The following ARHGEF10 variants were observed in gnomAD, a reference collection of about 807,000 sequenced individuals.
The protein encoded by ARHGEF10 is Rho guanine nucleotide exchange factor 10.
In ARHGEF10, 140 loss-of-function variants were observed where a neutral mutation model predicts 147.4. The observed-to-expected ratio is 0.95, with a 90% confidence interval of 0.83 to 1.09. The LOEUF (loss-of-function observed/expected upper bound fraction) is 1.09. Ranked by LOEUF, ARHGEF10 falls within the 50% of genes least tolerant of loss-of-function variation. The pLI, the probability that ARHGEF10 is intolerant of heterozygous loss-of-function variation, is 0.00. For missense variants in ARHGEF10, 2,222 were observed against 1,752.7 expected (o/e 1.27, Z -4.78); for synonymous variants, 902 against 695.8 (o/e 1.30, Z -4.67).
At chr8:1,865,355 T>C (rs540887214) in intron 5 of ARHGEF10, among the ~76,000 whole-genome samples, 32 of 112,800 alleles carry the variant, frequency 2.8e-4, no homozygotes, top group African/African-American at 1.1e-3. Flanking sequence ...CCAGCACCCA[T>C]GAGGCCATCA....
chr8:1,851,335 C>CA (rs1805129835), intron 2 of ARHGEF10, among the ~76,000 whole-genome samples: 1 of 84,154 alleles, frequency 1.2e-5, no homozygotes, highest in African/African-American at 3.3e-5. Context: ...AGCGAGGCCT[C>CA]ACGCACACCG....
rs147097604 is a variant in ARHGEF10 at position 1,896,544 on chromosome 8, A to G, written c.1557+95A>G. 1.3e-3 allele frequency: 1,221 copies of G among 909,974 alleles called. 12 individuals carry two copies. The African/African-American group carries it at 0.018, about 13-fold the overall frequency. The allele number at this position is 909,974 out of a possible 1,614,324, so 56.4% of individuals were successfully genotyped here. A position where few individuals can be genotyped will look rare whatever the true frequency, so the allele number is the denominator to read the frequency against. On this transcript the variant is annotated intron_variant, in intron 14 of 28. Transcript: ENST00000349830. ...CTGAATGCAGTTATTCGTTATTAAGATTTCAGTATCAATAGTGCCCTAGAT... is the reference window on the plus strand; with the variant it reads ...CTGAATGCAGTTATTCGTTATTAAGGTTTCAGTATCAATAGTGCCCTAGAT...
intron 1 of ARHGEF10, among the ~76,000 whole-genome samples, chr8:1,824,552 C>T (rs999960254): frequency 6.6e-6 from 1 of 150,858 alleles, no homozygotes; most frequent in Non-Finnish European, 1.5e-5. Context: ...CGCACCCTAC[C>T]TGTCCCCCTA....
intron 8 of ARHGEF10, among the ~76,000 whole-genome samples, chr8:1,877,823 G>A (rs998479966): frequency 7.2e-5 from 11 of 152,056 alleles, no homozygotes; most frequent in African/African-American, 2.4e-4. Context: ...GAAGCCACAC[G>A]CAGTCCTTGT....
rs767262896 is a variant in ARHGEF10, at chr8:1,956,908, G to A, written c.3680G>A (p.Gly1227Glu). ...CAGAAGGACGCACTTCCGAGTGGAG[G>A]AGCTGGTTCATCTCTGAGCCAGGGT... ...EDQKDALPSG[G>E]AGSSLSQGDP... The change falls in exon 29 of 29, where the codon GGA becomes GAA. Residue 1227 changes from glycine (G) to glutamate (E), a missense_variant. Coordinates refer to ENST00000349830, the MANE Select transcript of ARHGEF10 (RefSeq NM_014629.4). 4.3e-6 allele frequency: 7 copies of A among 1,614,184 alleles called. No individual in the cohort carries two copies. In the South Asian group the frequency reaches 6.6e-5, roughly 15 times the overall value.
At chr8:1,926,352 A>T in intron 22 of ARHGEF10, 25 bp from the exon 23 acceptor site, 1 of 1,588,950 alleles carries the variant, frequency 6.3e-7, no homozygotes, top group Non-Finnish European at 8.6e-7. Context: ...TTTATATGTG[A>T]GCGTTTGATT....
chr8:1,896,235 A>G (rs1809958993), intron 13 of ARHGEF10, 98 bp from the exon 14 acceptor site: 1 of 898,684 alleles, frequency 1.1e-6, no homozygotes, highest in Admixed American at 1.7e-5. Context: ...AGTGACCGAA[A>G]GAGTATTTTG....
chr8:1,846,760 A>G (rs1240148744), intron 2 of ARHGEF10, among the ~76,000 whole-genome samples: 1 of 152,078 alleles, frequency 6.6e-6, no homozygotes, highest in Non-Finnish European at 1.5e-5. Context: ...TATTTTTAGT[A>G]GAGACAGGGT....
chr8:1,832,625 G>GAC (rs1563148117), intron 1 of ARHGEF10, among the ~76,000 whole-genome samples: 1 of 104,596 alleles, frequency 9.6e-6, no homozygotes, highest in East Asian at 2.5e-4. Flanking sequence ...CAGAGGCAGA[G>GAC]AGAGACAGAG....
At chr8:1,918,356 G>A (rs149292723) in intron 18 of ARHGEF10, among the ~76,000 whole-genome samples, 6 of 151,932 alleles carry the variant, frequency 3.9e-5, no homozygotes, top group Admixed American at 1.3e-4. Flanking sequence ...ACATTTCCAT[G>A]GTCCGTAAGG....
At chr8:1,906,874 A>T (rs771044237) in intron 17 of ARHGEF10, among the ~76,000 whole-genome samples, 1 of 152,188 alleles carries the variant, frequency 6.6e-6, no homozygotes, top group Non-Finnish European at 1.5e-5. Context: ...ATCGTCAGTG[A>T]CTTTGTGGCA....
intron 28 of ARHGEF10, 68 bp from the exon 29 acceptor site, chr8:1,956,681 C>G: frequency 6.3e-7 from 1 of 1,599,032 alleles, no homozygotes; most frequent in East Asian, 2.2e-5. Context: ...AAGCCCTGCA[C>G]TTTTTGCTTC....
intron 1 of ARHGEF10, among the ~76,000 whole-genome samples, chr8:1,836,106 G>T (rs548753711): frequency 6.6e-6 from 1 of 151,824 alleles, no homozygotes; most frequent in East Asian, 1.9e-4. Flanking sequence ...GCGTGAACCC[G>T]GGAGGCAGAG....
At chr8:1,891,657 C>T (rs944173719) in intron 11 of ARHGEF10, among the ~76,000 whole-genome samples, 11 of 152,084 alleles carry the variant, frequency 7.2e-5, no homozygotes, top group African/African-American at 2.7e-4. Context: ...CAGGGACCCT[C>T]CCTGTGGGGG....
chr8:1,928,297 T>A (rs559034645), intron 23 of ARHGEF10, 130 bp from the exon 24 acceptor site: 32 of 834,586 alleles, frequency 3.8e-5, no homozygotes, highest in Middle Eastern at 5.0e-4. Context: ...AATTTTTTTT[T>A]ATTTTTTTAA....
At chr8:1,844,269 C>A (rs1032058573) in intron 2 of ARHGEF10, among the ~76,000 whole-genome samples, 1 of 151,496 alleles carries the variant, frequency 6.6e-6, no homozygotes, top group African/African-American at 2.4e-5. Context: ...CACTCTGGGC[C>A]CTCAGAGATT....
intron 1 of ARHGEF10, among the ~76,000 whole-genome samples, chr8:1,827,521 G>A (rs1411787280): frequency 1.3e-5 from 2 of 152,144 alleles, no homozygotes; most frequent in African/African-American, 2.4e-5. Context: ...GGCCAGGCTG[G>A]TCTTGAACTC....
At chr8:1,825,154 C>T (rs1585184996) in intron 1 of ARHGEF10, among the ~76,000 whole-genome samples, 2 of 3,520 alleles carry the variant, frequency 5.7e-4, no homozygotes, top group Non-Finnish European at 1.1e-3. Context: ...CCCCCCGCAC[C>T]CCACCTGTCC....
At chr8:1,895,480 A>C (rs932956818) in intron 13 of ARHGEF10, among the ~76,000 whole-genome samples, 2 of 152,300 alleles carry the variant, frequency 1.3e-5, no homozygotes, top group South Asian at 4.1e-4. Flanking sequence ...AAATATGGAA[A>C]CAAAATTCTT....
Sources: allele counts gnomAD v4.1 joint callset (sites outside exome capture counted in the v4.1 genomes callset), GRCh38; gene constraint gnomAD v4.1.1; transcripts MANE v1.5; gene names NCBI Gene and HGNC (gene_info 2026-07-23, HGNC 2026-07-21).